TSPYL4: variants seen among roughly 807,000 people sequenced by gnomAD.
TSPYL4 encodes testis-specific Y-encoded-like protein 4.
A neutral mutation model predicts 24.2 loss-of-function variants in TSPYL4; 22 were observed. The ratio of observed to expected loss-of-function variants is 0.91; its 90% CI spans 0.65 to 1.30. The LOEUF (loss-of-function observed/expected upper bound fraction) is 1.30, where lower values mean the gene tolerates loss of function less well. Ranked by LOEUF, TSPYL4 falls within the 50% of genes most tolerant of loss-of-function variation. The pLI, the probability that TSPYL4 is intolerant of heterozygous loss-of-function variation, is 0.00. For missense variants in TSPYL4, 569 were observed against 536.7 expected (o/e 1.06, Z -0.60); for synonymous variants, 211 against 208.2 (o/e 1.01, Z -0.12).
At position 116,252,903 on chromosome 6, in the gene TSPYL4, A is replaced by G. The variant is rs1476583020; in HGVS notation, c.1106T>C (p.Ile369Thr). Reference protein sequence around the residue: ...SDHSLLEFDRIAEIIKGELWP... With the variant: ...SDHSLLEFDRTAEIIKGELWP... The stretch of plus-strand genomic sequence containing the variant: ...CAGTTCTCCTTTGATAATCTCTGCA[A>G]TTCTGTCGAATTCTAGAAGGCTGTG... The change falls in exon 1 of 1, where the codon ATT becomes ACT. Residue 369 changes from isoleucine (I) to threonine (T), a missense_variant. Ile to Thr is a moderately conservative substitution (Grantham distance 89). Coordinates refer to ENST00000420283, the MANE Select transcript of TSPYL4 (RefSeq NM_021648.5). 6.2e-7 allele frequency: 1 copy of G among 1,610,536 alleles called. No individual in the cohort carries two copies. Among genetic ancestry groups the G allele is most frequent in the Non-Finnish European group, 8.5e-7 (1 of 1,178,106 alleles).
rs1582892710 is a variant in TSPYL4 at position 116,250,518 on chromosome 6, T to A, written c.*2246A>T. The A allele has an allele frequency of 1.3e-5, 2 of 152,634 alleles. No individual in the cohort carries two copies. Among genetic ancestry groups the A allele is most frequent in the Admixed American group, 1.3e-4 (2 of 15,296 alleles). 9.5% of individuals were successfully genotyped at this position (152,634 alleles called of 1,614,324 possible). A position where few individuals can be genotyped will look rare whatever the true frequency, so the allele number is the denominator to read the frequency against. ...ATATAAAGGTCACTCCTAGGATAAT[T>A]GAGAGAAAACATCGACTTACATTTT... On this transcript the variant is annotated 3_prime_UTR_variant, in exon 1 of 1. Transcript: ENST00000420283.
rs1421007023 is a variant in TSPYL4, at chr6:116,251,253, C to CCTTT, written c.*1507_*1510dup. Reference sequence around the variant, plus strand: ...GTTGCCTTTGCTCACATCACAAAGGCCTTTGCCTTTGACCCGTCCTGAACC... The same window carrying CCTTT: ...GTTGCCTTTGCTCACATCACAAAGGCCTTTCTTTGCCTTTGACCCGTCCTGAACC... On this transcript the variant is annotated 3_prime_UTR_variant, in exon 1 of 1. Coordinates refer to ENST00000420283, the MANE Select transcript of TSPYL4 (RefSeq NM_021648.5). 1 of 398,528 alleles carries CCTTT rather than the reference C, an allele frequency of 2.5e-6. No homozygotes were observed. Among genetic ancestry groups the CCTTT allele is most frequent in the African/African-American group, 2.1e-5 (1 of 48,630 alleles). 24.7% of individuals were successfully genotyped at this position (398,528 alleles called of 1,614,324 possible). A position where few individuals can be genotyped will look rare whatever the true frequency, so the allele number is the denominator to read the frequency against.
In TSPYL4 at chr6:116,251,078, C is replaced by G. The variant is rs1771943595; in HGVS notation, c.*1686G>C. On this transcript the variant is annotated 3_prime_UTR_variant, in exon 1 of 1. Coordinates refer to ENST00000420283, the MANE Select transcript of TSPYL4 (RefSeq NM_021648.5). ...GCTGAGAAATGAGGGCCAAGAAAGC[C>G]AGGCAGTAGGATGGAGACCCAAGGG... is the stretch of plus-strand genomic sequence containing the variant. 3 of 397,490 alleles carry G rather than the reference C, an allele frequency of 7.5e-6. No individual in the cohort carries two copies. The highest frequency in any genetic ancestry group is 4.4e-5 in the Admixed American group (1 of 22,688). 24.6% of individuals were successfully genotyped at this position (397,490 alleles called of 1,614,324 possible).
chr6:116,250,871 C>CA lies in TSPYL4; in HGVS notation c.*1892dup. 8.0e-6 allele frequency: 2 copies of CA among 249,664 alleles called. No individual in the cohort carries two copies. The highest frequency in any genetic ancestry group is 1.5e-5 in the Non-Finnish European group (2 of 132,168). 15.5% of individuals were successfully genotyped at this position (249,664 alleles called of 1,614,324 possible). On this transcript the variant is annotated 3_prime_UTR_variant, in exon 1 of 1. Coordinates refer to ENST00000420283, the MANE Select transcript of TSPYL4 (RefSeq NM_021648.5). The stretch of plus-strand genomic sequence containing the variant: ...AAGGGTGATGGTGGATGGTCTTTAT[C>CA]ACCACACATGATCATAACTAAGCCT...
Position 116,253,495 on chromosome 6 carries a change from C to A in TSPYL4, c.514G>T (p.Ala172Ser), listed in dbSNP as rs1772005049. ...TGCACTACCTTCTTTTCCTCCATCG[C>A]CGCCCCTGCTTCTCCCTCCTTTTCC... is the stretch of plus-strand genomic sequence containing the variant. ...AVEKEGEAGA[A>S]MEEKKVVQKE... The change falls in exon 1 of 1, where the codon GCG (alanine) becomes TCG (serine). Residue 172 changes from alanine to serine, a missense_variant. By Grantham distance (99) the Ala-to-Ser change is moderately conservative. Coordinates refer to ENST00000420283, the MANE Select transcript of TSPYL4 (RefSeq NM_021648.5). This position sits in a 1 kb window ranked among gnomAD's most constrained non-coding sequence, Gnocchi z 4.3. 6.4e-7 allele frequency: 1 copy of A among 1,551,696 alleles called. No homozygotes were observed. The highest frequency in any genetic ancestry group is 2.0e-5 in the Admixed American group (1 of 50,984).
In TSPYL4 at chr6:116,250,528, C is replaced by T. The variant is rs1771930479; in HGVS notation, c.*2236G>A. ...CACTCCTAGGATAATTGAGAGAAAA[C>T]ATCGACTTACATTTTGTTTACAAAA... is the stretch of plus-strand genomic sequence containing the variant. On this transcript the variant is annotated 3_prime_UTR_variant, in exon 1 of 1. Transcript: ENST00000420283. 1.3e-5 allele frequency: 2 copies of T among 152,454 alleles called. No homozygotes were observed. The highest frequency in any genetic ancestry group is 1.3e-4 in the Admixed American group (2 of 15,278). The allele number at this position is 152,454 out of a possible 1,614,324, so 9.4% of individuals were successfully genotyped here. A position where few individuals can be genotyped will look rare whatever the true frequency, so the allele number is the denominator to read the frequency against.
chr6:116,252,572 G>A lies in TSPYL4; in HGVS notation c.*192C>T. The A allele has an allele frequency of 1.5e-6, 1 of 664,660 alleles. No individual in the cohort carries two copies. The highest frequency in any genetic ancestry group is 2.5e-6 in the Non-Finnish European group (1 of 402,672). The allele number at this position is 664,660 out of a possible 1,614,324, so 41.2% of individuals were successfully genotyped here. A position where few individuals can be genotyped will look rare whatever the true frequency, so the allele number is the denominator to read the frequency against. On this transcript the variant is annotated 3_prime_UTR_variant, in exon 1 of 1. Transcript: ENST00000420283. Reference sequence around the variant, plus strand: ...TAACACAATGCAGAAAAGCATGAAGGCCCAGAGGAAGAATGGCACAGGCAG... The same window carrying A: ...TAACACAATGCAGAAAAGCATGAAGACCCAGAGGAAGAATGGCACAGGCAG...
At position 116,253,587 on chromosome 6, in the gene TSPYL4, G is replaced by C; in HGVS notation, c.422C>G (p.Ser141Cys). ...LEACGAGGLG[S>C]QMIPGKKAKE... ...GGCCTTCTTCCCCGGTATCATCTGA[G>C]ACCCCAAGCCCCCTGCGCCACAGGC... Residue 141 changes from serine to cysteine, a missense_variant, in exon 1 of 1, where the codon TCT becomes TGT. By Grantham distance (112) the Ser-to-Cys change is moderately radical. Transcript: ENST00000420283. This position sits in a 1 kb window ranked among gnomAD's most constrained non-coding sequence, Gnocchi z 4.3. 6.4e-7 allele frequency: 1 copy of C among 1,552,092 alleles called. No individual in the cohort carries two copies. The highest frequency in any genetic ancestry group is 8.7e-7 in the Non-Finnish European group (1 of 1,147,128).
Position 116,253,719 on chromosome 6 carries a change from G to T in TSPYL4, c.290C>A (p.Thr97Lys). 1 of 1,574,058 alleles carries T rather than the reference G, an allele frequency of 6.4e-7. No homozygotes were observed. Among genetic ancestry groups the T allele is most frequent in the Non-Finnish European group, 8.6e-7 (1 of 1,158,402 alleles). ...GGCAGAGGCTGCTTCCAGACCTTTC[G>T]TAGAAGGTGGAGCATCCTCCTGCCC... ...KAGQEDAPPS[T>K]KGLEAASAAE... The change falls in exon 1 of 1, where the codon ACG becomes AAG. Residue 97 changes from threonine (T) to lysine (K), a missense_variant. Transcript: ENST00000420283. This position sits in a 1 kb window ranked among gnomAD's most constrained non-coding sequence, Gnocchi z 4.3.
rs773811221 is a variant in TSPYL4, at chr6:116,253,778, A to G, written c.231T>C (p.Val77=). The G allele has an allele frequency of 9.4e-6, 15 of 1,602,582 alleles. No homozygotes were observed. In the South Asian group the frequency reaches 1.3e-4, roughly 14 times the overall value. ...TCGCTGCACCGCCGCGACTCCCGGC[A>G]ACTGGGACGCGGAGCGCGGGGCCAC... ...VDCGPALRVP[V]AGSRGGAATK... is the part of the protein sequence containing the mutation. The change falls in exon 1 of 1, where the codon GTT becomes GTC. Residue 77 remains valine, a synonymous_variant. Transcript: ENST00000420283. The surrounding 1 kb of genome is among the most constrained non-coding windows in gnomAD (Gnocchi z 4.3).
Position 116,252,846 on chromosome 6 carries a change from C to A in TSPYL4, c.1163G>T (p.Gly388Val). Reference sequence around the variant, plus strand: ...TCGAATTCCTCTACGGGGCCCTTCACCCATCAGGTAGTATTGTAGGGGATT... The same window carrying A: ...TCGAATTCCTCTACGGGGCCCTTCAACCATCAGGTAGTATTGTAGGGGATT... ...WPNPLQYYLM[G>V]EGPRRGIRGP... Residue 388 changes from glycine to valine, a missense_variant, in exon 1 of 1, where the codon GGT becomes GTT. Transcript: ENST00000420283. 6.2e-7 allele frequency: 1 copy of A among 1,600,968 alleles called. No individual in the cohort carries two copies. Among genetic ancestry groups the A allele is most frequent in the East Asian group, 2.2e-5 (1 of 44,462 alleles).
Position 116,253,105 on chromosome 6 carries a change from C to T in TSPYL4, c.904G>A (p.Gly302Ser). 1 of 1,613,994 alleles carries T rather than the reference C, an allele frequency of 6.2e-7. No homozygotes were observed. The highest frequency in any genetic ancestry group is 1.1e-5 in the South Asian group (1 of 91,070). Residue 302 changes from glycine (G) to serine (S), a missense_variant, in exon 1 of 1, where the codon GGC (glycine) becomes AGC (serine). Transcript: ENST00000420283. This position sits in a 1 kb window ranked among gnomAD's most constrained non-coding sequence, Gnocchi z 4.3. ...AGCKFKFIFQ[G>S]NPYFRNEGLV... Reference sequence around the variant, plus strand: ...CCCTCATTTCGGAAGTAGGGGTTGCCCTGAAAGATGAACTTGAATTTGCAG... The same window carrying T: ...CCCTCATTTCGGAAGTAGGGGTTGCTCTGAAAGATGAACTTGAATTTGCAG...
chr6:116,253,974 A>C lies in TSPYL4; in HGVS notation c.35T>G (p.Leu12Arg), dbSNP rs779434331. Residue 12 changes from leucine to arginine, a missense_variant, in exon 1 of 1, where the codon CTC becomes CGC. Transcript: ENST00000420283. This position sits in a 1 kb window ranked among gnomAD's most constrained non-coding sequence, Gnocchi z 4.3. Reference protein sequence around the residue: ...SGLDGGNKLPLAQTGGLAAPD... With the variant: ...SGLDGGNKLPRAQTGGLAAPD... ...AGCAGCCAGGCCGCCGGTTTGGGCG[A>C]GAGGGAGCTTGTTGCCCCCATCCAG... is the stretch of plus-strand genomic sequence containing the variant. 3.9e-5 allele frequency: 63 copies of C among 1,596,782 alleles called. No homozygotes were observed. The highest frequency in any genetic ancestry group is 5.3e-5 in the Non-Finnish European group (62 of 1,171,040).
At position 116,251,115 on chromosome 6, in the gene TSPYL4, G is replaced by A; in HGVS notation, c.*1649C>T. 1 of 398,562 alleles carries A rather than the reference G, an allele frequency of 2.5e-6. No individual in the cohort carries two copies. Among genetic ancestry groups the A allele is most frequent in the Middle Eastern group, 6.3e-4 (1 of 1,590 alleles). The allele number at this position is 398,562 out of a possible 1,614,324, so 24.7% of individuals were successfully genotyped here. A position where few individuals can be genotyped will look rare whatever the true frequency, so the allele number is the denominator to read the frequency against. Reference sequence around the variant, plus strand: ...TGGAGACCCAAGGGACATCAGGGCAGAAACAAAATAGTACAAAGGAGAAGA... The same window carrying A: ...TGGAGACCCAAGGGACATCAGGGCAAAAACAAAATAGTACAAAGGAGAAGA... On this transcript the variant is annotated 3_prime_UTR_variant, in exon 1 of 1. Transcript: ENST00000420283.
chr6:116,253,767 C>T lies in TSPYL4; in HGVS notation c.242G>A (p.Arg81His), dbSNP rs773546657. Reference protein sequence around the residue: ...PALRVPVAGSRGGAATKAGQE... With the variant: ...PALRVPVAGSHGGAATKAGQE... ...CCCGGCTTTGGTCGCTGCACCGCCG[C>T]GACTCCCGGCAACTGGGACGCGGAG... Residue 81 changes from arginine to histidine, a missense_variant, in exon 1 of 1, where the codon CGC (arginine) becomes CAC (histidine). Coordinates refer to ENST00000420283, the MANE Select transcript of TSPYL4 (RefSeq NM_021648.5). This position sits in a 1 kb window ranked among gnomAD's most constrained non-coding sequence, Gnocchi z 4.3. 1 of 1,599,564 alleles carries T rather than the reference C, an allele frequency of 6.3e-7. No homozygotes were observed. Among genetic ancestry groups the T allele is most frequent in the Non-Finnish European group, 8.5e-7 (1 of 1,172,206 alleles).
chr6:116,253,604 G>A lies in TSPYL4; in HGVS notation c.405C>T (p.Gly135=). 2 of 1,552,872 alleles carry A rather than the reference G, an allele frequency of 1.3e-6. No individual in the cohort carries two copies. The highest frequency in any genetic ancestry group is 1.7e-4 in the Middle Eastern group (1 of 5,994). ...PAGQKALEAC[G]AGGLGSQMIP... ...TCATCTGAGACCCCAAGCCCCCTGC[G>A]CCACAGGCTTCTAGAGCCTTCTGCC... The change falls in exon 1 of 1, where the codon GGC becomes GGT. Residue 135 remains glycine, a synonymous_variant. Coordinates refer to ENST00000420283, the MANE Select transcript of TSPYL4 (RefSeq NM_021648.5). This position sits in a 1 kb window ranked among gnomAD's most constrained non-coding sequence, Gnocchi z 4.3.
At position 116,253,179 on chromosome 6, in the gene TSPYL4, C is replaced by A; in HGVS notation, c.830G>T (p.Arg277Met). ...MISGQDEDML[R>M]YMINLEVEEL... ...CTCCACCTCCAAATTGATCATGTAC[C>A]TCAGCATGTCTTCATCTTGGCCACT... is the stretch of plus-strand genomic sequence containing the variant. The change falls in exon 1 of 1, where the codon AGG becomes ATG. Residue 277 changes from arginine (R) to methionine (M), a missense_variant. By Grantham distance (91) the Arg-to-Met change is moderately conservative (BLOSUM62 -1). Transcript: ENST00000420283. The surrounding 1 kb of genome is among the most constrained non-coding windows in gnomAD (Gnocchi z 4.3). The A allele has an allele frequency of 6.2e-7, 1 of 1,614,056 alleles. No homozygotes were observed. The highest frequency in any genetic ancestry group is 8.5e-7 in the Non-Finnish European group (1 of 1,179,956).
Position 116,251,881 on chromosome 6 carries a change from GCT to G in TSPYL4, c.*881_*882del, listed in dbSNP as rs1771956626. 1.3e-5 allele frequency: 2 copies of G among 152,190 alleles called. No individual in the cohort carries two copies. The highest frequency in any genetic ancestry group is 2.9e-5 in the Non-Finnish European group (2 of 68,064). The allele number at this position is 152,190 out of a possible 1,614,324, so 9.4% of individuals were successfully genotyped here. ...GGACTGCGTTCCAGCCTTGCTTTGG[GCT>G]CTGTCACATATTACTGCCCATCCTG... is the stretch of plus-strand genomic sequence containing the variant. On this transcript the variant is annotated 3_prime_UTR_variant, in exon 1 of 1. Transcript: ENST00000420283.
chr6:116,251,116 A>C lies in TSPYL4; in HGVS notation c.*1648T>G. The C allele has an allele frequency of 2.5e-6, 1 of 398,670 alleles. No individual in the cohort carries two copies. The highest frequency in any genetic ancestry group is 4.4e-6 in the Non-Finnish European group (1 of 226,076). 24.7% of individuals were successfully genotyped at this position (398,670 alleles called of 1,614,324 possible). On this transcript the variant is annotated 3_prime_UTR_variant, in exon 1 of 1. Transcript: ENST00000420283. ...GGAGACCCAAGGGACATCAGGGCAGAAACAAAATAGTACAAAGGAGAAGAG... is the reference window on the plus strand; with the variant it reads ...GGAGACCCAAGGGACATCAGGGCAGCAACAAAATAGTACAAAGGAGAAGAG...
Sources: allele counts gnomAD v4.1 joint callset, GRCh38; gene constraint gnomAD v4.1.1; non-coding constraint Gnocchi (gnomAD v3.1); transcripts MANE v1.5; gene names NCBI Gene and HGNC (gene_info 2026-07-23, HGNC 2026-07-21).